The following NRG3 variants were observed in gnomAD, a reference collection of about 807,000 sequenced individuals.
The protein encoded by NRG3 is pro-neuregulin-3, membrane-bound isoform.
Under a neutral mutation model 66.9 loss-of-function variants are expected in NRG3, and 31 were observed. The ratio of observed to expected loss-of-function variants is 0.46; its 90% CI spans 0.35 to 0.63. The LOEUF (loss-of-function observed/expected upper bound fraction) is 0.63, where lower values mean the gene tolerates loss of function less well. Among genes scored for constraint, NRG3 ranks in the 20% least tolerant of loss-of-function variants. NRG3 has a pLI of 0.00. For synonymous variants in NRG3, 393 were observed against 359.4 expected, an observed-to-expected ratio of 1.09 and a Z score of -1.06; for missense variants, 910 against 878.9, an observed-to-expected ratio of 1.04 and a Z score of -0.45.
chr10:82,214,930 A>G (rs1380843030), intron 1 of NRG3, among the ~76,000 whole-genome samples: 1 of 152,154 alleles, frequency 6.6e-6, no homozygotes, highest in East Asian at 1.9e-4. Context: ...GGCATCACTG[A>G]TCTCATCCAT....
At chr10:82,837,546 T>G (rs1204519680) in intron 3 of NRG3, among the ~76,000 whole-genome samples, 1 of 152,100 alleles carries the variant, frequency 6.6e-6, no homozygotes, top group Non-Finnish European at 1.5e-5. Context: ...TAAAGGGAAG[T>G]TAACGATCAC....
chr10:82,421,661 T>C (rs1218481231), intron 2 of NRG3, among the ~76,000 whole-genome samples: 1 of 152,084 alleles, frequency 6.6e-6, no homozygotes, highest in African/African-American at 2.4e-5. Flanking sequence ...ATTTATTTTT[T>C]TCTTTTCGTG....
chr10:82,266,514 G>A (rs1014921560), intron 1 of NRG3, among the ~76,000 whole-genome samples: 3 of 152,140 alleles, frequency 2.0e-5, no homozygotes, highest in Admixed American at 2.0e-4. Context: ...ACAGTAATCA[G>A]CTAAGAGGTA....
chr10:81,997,644 G>T (rs949118001), intron 1 of NRG3, among the ~76,000 whole-genome samples: 3 of 152,056 alleles, frequency 2.0e-5, no homozygotes, highest in Non-Finnish European at 1.5e-5. Flanking sequence ...GTGATAATAT[G>T]CATGTCACAG....
At chr10:82,438,646 G>T (rs1176484282) in intron 2 of NRG3, among the ~76,000 whole-genome samples, 2 of 152,232 alleles carry the variant, frequency 1.3e-5, no homozygotes, top group African/African-American at 4.8e-5. Context: ...GGGTTGGGAT[G>T]CTAGGCCCTT....
chr10:82,082,486 G>A (rs1031897671), intron 1 of NRG3, among the ~76,000 whole-genome samples: 7 of 152,180 alleles, frequency 4.6e-5, no homozygotes, highest in African/African-American at 1.7e-4. Context: ...AAGGAGGTGG[G>A]TCTTGGAAAT....
At chr10:82,037,961 T>C (rs2062863499) in intron 1 of NRG3, among the ~76,000 whole-genome samples, 1 of 141,396 alleles carries the variant, frequency 7.1e-6, no homozygotes, top group Non-Finnish European at 1.6e-5. Flanking sequence ...AAAGGAATCT[T>C]AGTGTGGGGA....
chr10:82,349,441 T>G (rs2083263241), intron 1 of NRG3, among the ~76,000 whole-genome samples: 2 of 150,806 alleles, frequency 1.3e-5, no homozygotes. Context: ...TCCAGCTGCG[T>G]ACTGGGAGAA....
intron 2 of NRG3, among the ~76,000 whole-genome samples, chr10:82,378,633 C>T (rs533639054): frequency 3.6e-4 from 54 of 151,828 alleles, no homozygotes; most frequent in Middle Eastern, 3.4e-3. Flanking sequence ...TGCGGTGGTG[C>T]GATCTTGGCT....
chr10:81,980,351 A>C (rs2133455364), intron 1 of NRG3, among the ~76,000 whole-genome samples: 1 of 152,260 alleles, frequency 6.6e-6, no homozygotes, highest in East Asian at 1.9e-4. Context: ...TCAGTTAATG[A>C]GGGTATTATT....
chr10:82,097,041 C>G (rs111551256), intron 1 of NRG3, among the ~76,000 whole-genome samples: 65 of 152,212 alleles, frequency 4.3e-4, no homozygotes, highest in African/African-American at 1.4e-3. Flanking sequence ...CGATTAGATA[C>G]AGAACAATTT....
intron 3 of NRG3, among the ~76,000 whole-genome samples, chr10:82,813,541 A>C (rs1417682319): frequency 6.6e-6 from 1 of 152,114 alleles, no homozygotes; most frequent in East Asian, 1.9e-4. Context: ...GTCTTAGTAT[A>C]TTGCATTATA....
At chr10:82,480,147 T>C (rs1355384437) in intron 2 of NRG3, among the ~76,000 whole-genome samples, 1 of 152,212 alleles carries the variant, frequency 6.6e-6, no homozygotes, top group Non-Finnish European at 1.5e-5. Context: ...GGTCAAAAAT[T>C]CACAAATTTA....
At chr10:82,681,304 G>T (rs1431777817) in intron 2 of NRG3, among the ~76,000 whole-genome samples, 3 of 152,176 alleles carry the variant, frequency 2.0e-5, no homozygotes, top group Admixed American at 1.3e-4. Context: ...TTCCTCATTT[G>T]TAAACTGGAG....
chr10:82,864,870 A>G, intron 3 of NRG3, among the ~76,000 whole-genome samples: 1 of 152,210 alleles, frequency 6.6e-6, no homozygotes, highest in East Asian at 1.9e-4. Context: ...ATCTCACTGA[A>G]GCACAGTTTT....
At chr10:82,295,975 G>C (rs985428674) in intron 1 of NRG3, among the ~76,000 whole-genome samples, 1 of 152,068 alleles carries the variant, frequency 6.6e-6, no homozygotes, top group Non-Finnish European at 1.5e-5. Context: ...TATAGTAAGT[G>C]CTGTGAAGAA....
At chr10:81,920,863 A>C (rs538061738) in intron 1 of NRG3, among the ~76,000 whole-genome samples, 31 of 152,228 alleles carry the variant, frequency 2.0e-4, no homozygotes, top group African/African-American at 7.0e-4. Context: ...AATTGTATAG[A>C]ACAGAACAGG....
At chr10:82,395,217 A>T (rs919410925) in intron 2 of NRG3, among the ~76,000 whole-genome samples, 7 of 152,188 alleles carry the variant, frequency 4.6e-5, no homozygotes, top group Admixed American at 4.6e-4. Flanking sequence ...ACAATTCCCT[A>T]AGTCATGGGA....
At chr10:82,023,071 C>G (rs1051531362) in intron 1 of NRG3, among the ~76,000 whole-genome samples, 5 of 151,404 alleles carry the variant, frequency 3.3e-5, no homozygotes, top group African/African-American at 9.7e-5. Flanking sequence ...TCTCTTCCAG[C>G]TATTTCAAAA....
Sources: allele counts gnomAD v4.1 joint callset (sites outside exome capture counted in the v4.1 genomes callset), GRCh38; gene constraint gnomAD v4.1.1; transcripts MANE v1.5; gene names NCBI Gene and HGNC (gene_info 2026-07-23, HGNC 2026-07-21).